The following LDLRAD4 variants were observed in gnomAD, a reference collection of about 807,000 sequenced individuals.
LDLRAD4 encodes the protein low-density lipoprotein receptor class A domain-containing protein 4.
Under a neutral mutation model 17.0 loss-of-function variants are expected in LDLRAD4, and 5 were observed. The ratio of observed to expected loss-of-function variants is 0.29; its 90% CI spans 0.15 to 0.62. The LOEUF (loss-of-function observed/expected upper bound fraction) is 0.62, where lower values mean the gene tolerates loss of function less well. LDLRAD4 is among the 20% of genes least tolerant of loss of function. The pLI is 0.84. For synonymous variants in LDLRAD4, 168 were observed against 171.8 expected (o/e 0.98, Z 0.17); for missense variants, 340 against 424.7 (o/e 0.80, Z 1.75).
At chr18:13,585,977 TC>T (rs2094927468) in intron 3 of LDLRAD4, among the ~76,000 whole-genome samples, 1 of 151,988 alleles carries the variant, frequency 6.6e-6, no homozygotes, top group African/African-American at 2.4e-5. Context: ...AAGAAACAGA[TC>T]AAAAATATTT....
intron 3 of LDLRAD4, among the ~76,000 whole-genome samples, chr18:13,500,461 A>G (rs2093594630): frequency 6.6e-6 from 1 of 152,240 alleles, no homozygotes; most frequent in Non-Finnish European, 1.5e-5. Flanking sequence ...GCCCTTTGGC[A>G]TCATGCTTTC....
chr18:13,226,710 G>GAATAT (rs1555621933), intron 1 of LDLRAD4, among the ~76,000 whole-genome samples: 1 of 139,486 alleles, frequency 7.2e-6, no homozygotes, highest in Non-Finnish European at 1.5e-5. Flanking sequence ...TTTAAAATTT[G>GAATAT]AATAAAATAA....
rs1475158571 is a variant in LDLRAD4, at chr18:13,233,411, T to C, written c.-467+14423T>C. On this transcript the variant is annotated intron_variant, in intron 1 of 5. Transcript: ENST00000399848. Reference sequence around the variant, plus strand: ...CCCAGTAAGAGGCGGGACAGCTGTGTTTGGAAGTGGGCCAAGGAAGCCGGC... The same window carrying C: ...CCCAGTAAGAGGCGGGACAGCTGTGCTTGGAAGTGGGCCAAGGAAGCCGGC... Among the ~76,000 whole-genome samples, 5 of 152,192 alleles carry C rather than the reference T, an allele frequency of 3.3e-5. No individual in the cohort carries two copies. In the East Asian group the frequency reaches 9.7e-4, roughly 29 times the overall value.
chr18:13,620,883 TG>T (rs1327008248), intron 3 of LDLRAD4: 2 of 583,916 alleles, frequency 3.4e-6, no homozygotes, highest in South Asian at 2.2e-5. Flanking sequence ...CTCCCTGTGG[TG>T]GGGGATGGCA....
intron 1 of LDLRAD4, among the ~76,000 whole-genome samples, chr18:13,264,021 T>G (rs2044070229): frequency 6.6e-6 from 1 of 151,868 alleles, no homozygotes; most frequent in Admixed American, 6.6e-5. Context: ...AATATAACCC[T>G]GGGGTGGGCA....
intron 3 of LDLRAD4, among the ~76,000 whole-genome samples, chr18:13,617,766 T>C (rs975383618): frequency 7.3e-5 from 11 of 150,912 alleles, no homozygotes; most frequent in African/African-American, 2.7e-4. Context: ...TTACCAGTAA[T>C]TGGAGAAATA....
intron 1 of LDLRAD4, among the ~76,000 whole-genome samples, chr18:13,298,656 G>A (rs570251460): frequency 6.6e-6 from 1 of 151,946 alleles, no homozygotes; most frequent in Admixed American, 6.5e-5. Context: ...ATTGTGCATG[G>A]TGATGGAGCT....
At chr18:13,265,398 CG>C (rs2044160727) in intron 1 of LDLRAD4, among the ~76,000 whole-genome samples, 1 of 152,154 alleles carries the variant, frequency 6.6e-6, no homozygotes, top group Non-Finnish European at 1.5e-5. Flanking sequence ...TCAGTTCCTC[CG>C]GGGACACTCG....
chr18:13,256,835 T>C (rs2043531721), intron 1 of LDLRAD4, among the ~76,000 whole-genome samples: 1 of 152,216 alleles, frequency 6.6e-6, no homozygotes, highest in East Asian at 1.9e-4. Context: ...CAGTGCCCAG[T>C]GTGGCAGGTG....
At chr18:13,238,638 C>G (rs1046550384) in intron 1 of LDLRAD4, among the ~76,000 whole-genome samples, 1 of 152,172 alleles carries the variant, frequency 6.6e-6, no homozygotes, top group African/African-American at 2.4e-5. Context: ...AGAGTCCTGC[C>G]AGCCTGGGTT....
intron 1 of LDLRAD4, among the ~76,000 whole-genome samples, chr18:13,294,974 CAT>C (rs1367560706): frequency 6.6e-6 from 1 of 152,074 alleles, no homozygotes; most frequent in Non-Finnish European, 1.5e-5. Flanking sequence ...TGATTTTAGG[CAT>C]ATGCACAAGG....
chr18:13,514,980 A>T (rs5001304), intron 3 of LDLRAD4: 102,988 of 151,882 alleles, frequency 0.68, 35,286 homozygotes, highest in South Asian at 0.75. Context: ...CCCCACCCCC[A>T]CATTACCACT....
At chr18:13,313,977 T>A (rs886839283) in intron 1 of LDLRAD4, among the ~76,000 whole-genome samples, 19 of 152,226 alleles carry the variant, frequency 1.2e-4, no homozygotes, top group African/African-American at 7.2e-5. Flanking sequence ...TATTATTTTA[T>A]TGCAATTAGA....
At chr18:13,404,392 C>T (rs903051421) in intron 2 of LDLRAD4, among the ~76,000 whole-genome samples, 5 of 152,238 alleles carry the variant, frequency 3.3e-5, no homozygotes, top group African/African-American at 1.2e-4. Flanking sequence ...TGTGCCTTCA[C>T]GACGCAGCTG....
chr18:13,652,750 C>T (rs1001106665), exon 6 of LDLRAD4: 3 of 152,598 alleles, frequency 2.0e-5, no homozygotes, highest in Non-Finnish European at 4.4e-5. Context: ...TAATCAGCGG[C>T]ATACATTTGT....
chr18:13,254,512 G>A (rs1377423551), intron 1 of LDLRAD4, among the ~76,000 whole-genome samples: 1 of 152,184 alleles, frequency 6.6e-6, no homozygotes. Flanking sequence ...CATGGGCATA[G>A]CTGGACCTAG....
intron 1 of LDLRAD4, among the ~76,000 whole-genome samples, chr18:13,259,858 C>T (rs4796975): frequency 0.88 from 133,613 of 152,240 alleles, 59,698 homozygotes; most frequent in Non-Finnish European, 0.96. Flanking sequence ...CCACTGGGTG[C>T]GCAGGGCAAG....
chr18:13,224,060 C>A (rs984244490), intron 1 of LDLRAD4, among the ~76,000 whole-genome samples: 3 of 152,190 alleles, frequency 2.0e-5, no homozygotes, highest in African/African-American at 7.2e-5. Flanking sequence ...GTCCTTCTTG[C>A]CTCCGTGCTG....
chr18:13,244,243 C>T (rs999465460), intron 1 of LDLRAD4, among the ~76,000 whole-genome samples: 4 of 150,180 alleles, frequency 2.7e-5, no homozygotes, highest in African/African-American at 4.9e-5. Flanking sequence ...ACCTCCTGTC[C>T]ACTCACCCAC....
Sources: allele counts gnomAD v4.1 joint callset (sites outside exome capture counted in the v4.1 genomes callset), GRCh38; gene constraint gnomAD v4.1.1; transcripts MANE v1.5; gene names NCBI Gene and HGNC (gene_info 2026-07-23, HGNC 2026-07-21).